LARGE1: variants seen among roughly 807,000 people sequenced by gnomAD.
The protein encoded by LARGE1 is LARGE xylosyl- and glucuronyltransferase 1.
Under a neutral mutation model 87.6 loss-of-function variants are expected in LARGE1, and 43 were observed. That is an observed-to-expected ratio of 0.49 (90% CI 0.38 to 0.63). LARGE1 has a LOEUF of 0.63. Among genes scored for constraint, LARGE1 ranks in the 30% least tolerant of loss-of-function variants. The pLI is 0.00. For missense variants in LARGE1, 802 were observed against 1,000.2 expected (o/e 0.80, Z 2.67); for synonymous variants, 434 against 394.6 (o/e 1.10, Z -1.18).
downstream of LARGE1, among the ~76,000 whole-genome samples, chr22:33,161,578 A>G (rs1296759765): frequency 2.0e-5 from 3 of 152,244 alleles, no homozygotes; most frequent in Non-Finnish European, 4.4e-5. Flanking sequence ...AAACTGGCCA[A>G]AACAAAAGGG....
intron 6 of LARGE1, among the ~76,000 whole-genome samples, chr22:33,518,148 T>C (rs537870063): frequency 6.6e-6 from 1 of 152,360 alleles, no homozygotes; most frequent in Non-Finnish European, 1.5e-5. Context: ...TTAATGTGCA[T>C]GAAGTCCTTT....
At chr22:33,470,520 G>A (rs2068784625) in intron 6 of LARGE1, among the ~76,000 whole-genome samples, 2 of 152,120 alleles carry the variant, frequency 1.3e-5, no homozygotes, top group South Asian at 2.1e-4. Flanking sequence ...TTTGCTCCAC[G>A]TTCTCCTCTC....
At chr22:33,407,408 G>A (rs935430361) in intron 7 of LARGE1, among the ~76,000 whole-genome samples, 3 of 152,214 alleles carry the variant, frequency 2.0e-5, no homozygotes, top group Non-Finnish European at 4.4e-5. Flanking sequence ...GAATGTATTA[G>A]TCTCATTCCC....
intron 2 of LARGE1, among the ~76,000 whole-genome samples, chr22:33,754,675 T>C (rs2084444276): frequency 6.6e-6 from 1 of 152,194 alleles, no homozygotes; most frequent in African/African-American, 2.4e-5. Flanking sequence ...AAACACAACT[T>C]TTGTATTATA....
At chr22:33,781,911 T>C (rs1370055294) in intron 1 of LARGE1, among the ~76,000 whole-genome samples, 1 of 151,988 alleles carries the variant, frequency 6.6e-6, no homozygotes, top group Non-Finnish European at 1.5e-5. Context: ...AACCAGCACA[T>C]GGTAAAAGAA....
chr22:33,211,652 A>G (rs1407443599), intron 11 of LARGE1, among the ~76,000 whole-genome samples: 1 of 152,160 alleles, frequency 6.6e-6, no homozygotes, highest in Non-Finnish European at 1.5e-5. Context: ...ACACACCTGT[A>G]GTCCCAGCTA....
intron 7 of LARGE1, among the ~76,000 whole-genome samples, chr22:33,405,508 T>A (rs1181625456): frequency 6.6e-6 from 1 of 152,206 alleles, no homozygotes; most frequent in African/African-American, 2.4e-5. Flanking sequence ...TAGGGAGTAA[T>A]CAACATTACT....
At chr22:33,264,862 C>A (rs1189527013) in intron 11 of LARGE1, among the ~76,000 whole-genome samples, 1 of 145,298 alleles carries the variant, frequency 6.9e-6, no homozygotes, top group African/African-American at 2.5e-5. Flanking sequence ...TAGAGGAAAT[C>A]TCTCCCCTTT....
At chr22:33,159,799 G>A (rs1921965461), downstream of LARGE1, among the ~76,000 whole-genome samples, 1 of 151,778 alleles carries the variant, frequency 6.6e-6, no homozygotes, top group African/African-American at 2.4e-5. Flanking sequence ...GTGTTAGCCA[G>A]GATGACCTTG....
At chr22:33,431,406 T>A (rs537961871) in intron 7 of LARGE1, among the ~76,000 whole-genome samples, 1 of 152,170 alleles carries the variant, frequency 6.6e-6, no homozygotes, top group East Asian at 1.9e-4. Context: ...AGTAACGAGG[T>A]AGAATAATGG....
At position 33,696,711 on chromosome 22, in the gene LARGE1, ATGGCATCTCAT is replaced by A. The variant is rs555456857; in HGVS notation, c.107-46054_107-46044del. Among the ~76,000 whole-genome samples the A allele has an allele frequency of 1.2e-3, 187 of 152,262 alleles. 2 individuals carry two copies. The highest frequency in any genetic ancestry group is 4.1e-3 in the African/African-American group (172 of 41,546). ...TTTTAGCCATGCTGGTGGGTTTGAA[ATGGCATCTCAT>A]TGTGGTCTTTCCTGCTTCCTGTGAG... On this transcript the variant is annotated intron_variant, in intron 2 of 14. Transcript: ENST00000397394.
intron 1 of LARGE1, among the ~76,000 whole-genome samples, chr22:33,871,290 A>G (rs5754729): frequency 0.67 from 101,293 of 152,050 alleles, 33,883 homozygotes; most frequent in South Asian, 0.71. Flanking sequence ...TACAAAGCAG[A>G]CAGAGTAAAA....
chr22:33,467,331 G>C (rs2068659085), intron 6 of LARGE1, among the ~76,000 whole-genome samples: 1 of 152,154 alleles, frequency 6.6e-6, no homozygotes. Flanking sequence ...GTGATTATTG[G>C]CAAAAGTCCT....
At chr22:33,209,085 C>G (rs1924829610) in intron 11 of LARGE1, among the ~76,000 whole-genome samples, 1 of 152,036 alleles carries the variant, frequency 6.6e-6, no homozygotes, top group Non-Finnish European at 1.5e-5. Flanking sequence ...GGGTGTATAC[C>G]CAGTAATGGG....
chr22:33,742,914 T>A (rs1383169311), intron 2 of LARGE1, among the ~76,000 whole-genome samples: 1 of 152,180 alleles, frequency 6.6e-6, no homozygotes, highest in African/African-American at 2.4e-5. Flanking sequence ...AAATCTCATG[T>A]TGAAATCTAA....
At chr22:33,768,793 A>T (rs2084981916) in intron 1 of LARGE1, among the ~76,000 whole-genome samples, 1 of 152,016 alleles carries the variant, frequency 6.6e-6, no homozygotes, top group South Asian at 2.1e-4. Context: ...ACCCACCTCT[A>T]CTCAAAGGGT....
intron 1 of LARGE1, among the ~76,000 whole-genome samples, chr22:33,784,403 C>A (rs933391712): frequency 6.6e-6 from 1 of 152,106 alleles, no homozygotes; most frequent in African/African-American, 2.4e-5. Flanking sequence ...AAAATATAAA[C>A]CCAGCAATCT....
chr22:33,391,182 A>C (rs2065507862), intron 7 of LARGE1, among the ~76,000 whole-genome samples: 1 of 152,018 alleles, frequency 6.6e-6, no homozygotes, highest in Admixed American at 6.6e-5. Context: ...TAGGTCCTGC[A>C]TTCAGAAGTC....
At chr22:33,398,981 T>C (rs1404090782) in intron 7 of LARGE1, among the ~76,000 whole-genome samples, 1 of 152,200 alleles carries the variant, frequency 6.6e-6, no homozygotes, top group Non-Finnish European at 1.5e-5. Flanking sequence ...TTCTGCTTTT[T>C]TAAAAAAAAT....
Sources: allele counts gnomAD v4.1 joint callset (sites outside exome capture counted in the v4.1 genomes callset), GRCh38; gene constraint gnomAD v4.1.1; transcripts MANE v1.5; gene names NCBI Gene and HGNC (gene_info 2026-07-23, HGNC 2026-07-21).